TAF6: variants seen among roughly 807,000 people sequenced by gnomAD.
TAF6 encodes the protein transcription initiation factor TFIID subunit 6.
Under a neutral mutation model 73.5 loss-of-function variants are expected in TAF6, and 50 were observed. That is an observed-to-expected ratio of 0.68 (90% CI 0.54 to 0.86). The LOEUF is 0.86. Ranked by LOEUF, TAF6 falls within the 40% of genes least tolerant of loss-of-function variation. The probability of loss-of-function intolerance (pLI) is 0.00; values close to 1 mark genes in which losing one functional copy is unlikely to be tolerated. For synonymous variants in TAF6, 424 were observed against 376.7 expected (o/e 1.13, Z -1.45); for missense variants, 768 against 899.5 (o/e 0.85, Z 1.87).
Position 100,107,240 on chromosome 7 carries a change from G to T in TAF6, c.*6C>A. 6.6e-7 allele frequency: 1 copy of T among 1,521,306 alleles called. No homozygotes were observed. The highest frequency in any genetic ancestry group is 8.8e-7 in the Non-Finnish European group (1 of 1,137,928). The allele number at this position is 1,521,306 out of a possible 1,614,324, so 94.2% of individuals were successfully genotyped here. ...TGTGGGAATCCGGGGGCTGGCAGGT[G>T]GAGCATCACGGAGCAGGCTGAGGGG... is the stretch of plus-strand genomic sequence containing the variant. On this transcript the variant is annotated 3_prime_UTR_variant, in exon 15 of 15. Coordinates refer to ENST00000453269, the MANE Select transcript of TAF6 (RefSeq NM_139315.3).
rs1195339313 is a variant in TAF6, at chr7:100,113,758, G to A, written c.255C>T (p.Gly85=). 2 of 1,613,876 alleles carry A rather than the reference G, an allele frequency of 1.2e-6. No individual in the cohort carries two copies. The highest frequency in any genetic ancestry group is 1.3e-5 in the African/African-American group (1 of 74,864). ...AAGGAATGAACTCCTGGGCGTGGAA[G>A]CCATAGAGTGGCTGTGGCAGGAGAG... ...LKLKNVEPLY[G]FHAQEFIPFR... The change falls in exon 4 of 15, where the codon GGC becomes GGT. Residue 85 remains glycine, a synonymous_variant. Transcript: ENST00000453269.
chr7:100,124,718 G>C (rs769704167), upstream of TAF6: 2 of 1,613,726 alleles, frequency 1.2e-6, no homozygotes, highest in African/African-American at 1.3e-5. Flanking sequence ...TCTGTCATCC[G>C]ATCTAGCATG....
At chr7:100,119,968 C>G, upstream of TAF6, 1 of 1,012,830 alleles carries the variant, frequency 9.9e-7, no homozygotes, top group South Asian at 1.8e-5. Flanking sequence ...TCCTTGAAGG[C>G]TTGAGGGAGG....
Position 100,111,728 on chromosome 7 carries a change from G to A in TAF6, c.900C>T (p.Tyr300=), listed in dbSNP as rs772660647. The A allele has an allele frequency of 5.6e-6, 9 of 1,613,934 alleles. 1 individual carries two copies. The Middle Eastern group carries it at 8.2e-4, about 147-fold the overall frequency. ...AGGGAGGATGGGCAGGATCACTCAC[G>A]TATTTTTCTAGATAGAGCGTGGGGT... ...MDNPTLYLEK[Y]VHELIPAVMT... Residue 300 remains tyrosine, a splice_region_variant and synonymous_variant, in exon 9 of 15, where the codon TAC becomes TAT. Transcript: ENST00000453269.
intron 13 of TAF6, 71 bp from the exon 14 acceptor site, chr7:100,108,194 G>T: frequency 6.7e-7 from 1 of 1,494,676 alleles, no homozygotes; most frequent in Non-Finnish European, 9.0e-7. Flanking sequence ...GAGAGGCCTG[G>T]GCTCCCCTCG....
Position 100,107,444 on chromosome 7 carries a change from G to A in TAF6, c.1836C>T (p.Pro612=), listed in dbSNP as rs1321386117. The A allele has an allele frequency of 6.2e-7, 1 of 1,612,622 alleles. No individual in the cohort carries two copies. Among genetic ancestry groups the A allele is most frequent in the Non-Finnish European group, 8.5e-7 (1 of 1,178,982 alleles). The change falls in exon 15 of 15, where the codon CCC becomes CCT. Residue 612 remains proline, a synonymous_variant. Coordinates refer to ENST00000453269, the MANE Select transcript of TAF6 (RefSeq NM_139315.3). ...SVQKYIVVSL[P]PTGEGKGGPT... ...GGCCTCCTTTGCCCTCCCCTGTTGG[G>A]GGAAGTGAGACCACGATGTACTTCT...
chr7:100,119,825 G>A (rs766317391), upstream of TAF6: 4 of 1,613,636 alleles, frequency 2.5e-6, no homozygotes, highest in African/African-American at 1.3e-5. Context: ...TGAAGGAGGA[G>A]GACGATGACA....
At chr7:100,126,169 G>A in the TAF6 span, among the ~76,000 whole-genome samples, 2 of 151,972 alleles carry the variant, frequency 1.3e-5, no homozygotes, top group Non-Finnish European at 2.9e-5. Context: ...CTGGGTGATA[G>A]AGCGAGACTC....
rs928131956 is a variant in TAF6 at position 100,119,310 on chromosome 7, C to T, written c.-166G>A. The T allele has an allele frequency of 3.9e-6, 4 of 1,028,044 alleles. No individual in the cohort carries two copies. Among genetic ancestry groups the T allele is most frequent in the African/African-American group, 1.7e-5 (1 of 57,568 alleles). The allele number at this position is 1,028,044 out of a possible 1,614,324, so 63.7% of individuals were successfully genotyped here. ...GCGGGGAGCAGGAAAACTCTAGCGG[C>T]AGCCGAGACGCTGCTCACCCGGCGC... On this transcript the variant is annotated 5_prime_UTR_variant, in exon 1 of 15. Transcript: ENST00000453269.
Position 100,111,643 on chromosome 7 carries a change from T to C in TAF6, c.900+85A>G. The stretch of plus-strand genomic sequence containing the variant: ...CTCCCAAAGTTGCTGGGATTTCAGG[T>C]GTGAGCCACTGCTGACCACTGACTT... On this transcript the variant is annotated intron_variant, in intron 9 of 14. Transcript: ENST00000453269. 2.8e-6 allele frequency: 4 copies of C among 1,406,360 alleles called. No individual in the cohort carries two copies. The South Asian group carries it at 4.6e-5, about 16-fold the overall frequency. 87.1% of individuals were successfully genotyped at this position (1,406,360 alleles called of 1,614,324 possible). A position where few individuals can be genotyped will look rare whatever the true frequency, so the allele number is the denominator to read the frequency against.
chr7:100,112,729 A>AG (rs1562927956), intron 6 of TAF6, 69 bp downstream of exon 6: 2 of 1,509,128 alleles, frequency 1.3e-6, no homozygotes, highest in Non-Finnish European at 1.8e-6. Context: ...ACAAAAAAAA[A>AG]GGAAACAAAA....
rs368173452 is a variant in TAF6, at chr7:100,107,225, C to T, written c.*21G>A. The T allele has an allele frequency of 4.1e-5, 62 of 1,518,794 alleles. No homozygotes were observed. The highest frequency in any genetic ancestry group is 9.1e-5 in the East Asian group (4 of 44,134). 94.1% of individuals were successfully genotyped at this position (1,518,794 alleles called of 1,614,324 possible). The stretch of plus-strand genomic sequence containing the variant: ...GTACATGTCTGCATGTGTGGGAATC[C>T]GGGGGCTGGCAGGTGGAGCATCACG... On this transcript the variant is annotated 3_prime_UTR_variant, in exon 15 of 15. Coordinates refer to ENST00000453269, the MANE Select transcript of TAF6 (RefSeq NM_139315.3).
At chr7:100,125,919 A>C in the TAF6 span, among the ~76,000 whole-genome samples, 2 of 152,112 alleles carry the variant, frequency 1.3e-5, no homozygotes, top group African/African-American at 4.8e-5. Flanking sequence ...GGGCGCGGTG[A>C]CTCACGCCTG....
upstream of TAF6, chr7:100,122,385 C>T (rs763760808): frequency 1.1e-5 from 17 of 1,614,090 alleles, no homozygotes; most frequent in East Asian, 4.5e-5. Flanking sequence ...TACAGCGTTT[C>T]GTGAGTCCTT....
upstream of TAF6, chr7:100,119,911 T>C (rs1274140640): frequency 6.6e-7 from 1 of 1,517,626 alleles, no homozygotes; most frequent in Non-Finnish European, 8.9e-7. Context: ...CACACCTCCT[T>C]CTTCTAGGCC....
intron 6 of TAF6, among the ~76,000 whole-genome samples, chr7:100,112,479 A>G (rs1797278940): frequency 6.6e-6 from 1 of 152,124 alleles, no homozygotes; most frequent in African/African-American, 2.4e-5. Context: ...TTGGGAGGCC[A>G]AGGCGGGCGG....
chr7:100,123,347 AAAAAAC>A (rs201621789), upstream of TAF6, among the ~76,000 whole-genome samples: 3,214 of 151,652 alleles, frequency 0.021, 121 homozygotes, highest in African/African-American at 0.075. Flanking sequence ...ATCTTAAAAA[AAAAAAC>A]AAAAACAAAA....
At chr7:100,123,599 C>T (rs1022779679), upstream of TAF6, among the ~76,000 whole-genome samples, 1 of 152,078 alleles carries the variant, frequency 6.6e-6, no homozygotes, top group African/African-American at 2.4e-5. Context: ...CGGCTCACCG[C>T]GACCTCCGCC....
At chr7:100,112,318 C>T (rs970837452) in intron 6 of TAF6, 65 bp from the exon 7 acceptor site, 1 of 1,555,382 alleles carries the variant, frequency 6.4e-7, no homozygotes, top group African/African-American at 1.4e-5. Context: ...AACAGAAGAA[C>T]CTTAACCCTC....
Sources: gnomAD v4.1 joint callset for allele counts (sites outside exome capture counted in the v4.1 genomes callset) on GRCh38, gnomAD v4.1.1 for gene constraint, MANE v1.5 for transcripts, NCBI Gene and HGNC (gene_info 2026-07-23, HGNC 2026-07-21) for gene names.